ARHGAP15: variants seen among roughly 807,000 people sequenced by gnomAD.
ARHGAP15 encodes the protein Rho GTPase activating protein 15, also known as rho GTPase-activating protein 15.
In ARHGAP15, 51 loss-of-function variants were observed where a neutral mutation model predicts 63.7. The observed-to-expected ratio is 0.80, with a 90% CI of 0.64 to 1.01. The LOEUF is 1.01. Ranked by LOEUF, ARHGAP15 falls within the 50% of genes least tolerant of loss-of-function variation. The probability of loss-of-function intolerance (pLI) is 0.00; values close to 1 mark genes in which losing one functional copy is unlikely to be tolerated. For missense variants in ARHGAP15, 560 were observed against 564.6 expected (o/e 0.99, Z 0.08); for synonymous variants, 191 against 193.8 (o/e 0.99, Z 0.12).
At chr2:143,304,292 A>C (rs929130827) in intron 6 of ARHGAP15, among the ~76,000 whole-genome samples, 17 of 152,192 alleles carry the variant, frequency 1.1e-4, no homozygotes, top group African/African-American at 4.1e-4. Flanking sequence ...GGATGAGTTC[A>C]TGTCCTCTGT....
intron 1 of ARHGAP15, among the ~76,000 whole-genome samples, chr2:143,145,660 CTAGATTGTGACCACAGATCTATG>C (rs1380650582): frequency 3.3e-5 from 5 of 152,106 alleles, no homozygotes; most frequent in Non-Finnish European, 5.9e-5. Context: ...CAATATTTAC[CTAGATTGTGACCACAGATCTATG>C]TAATTGCTTG....
rs561671725 is a variant in ARHGAP15, at chr2:143,690,782, G to A, written c.1139-12637G>A. Among the ~76,000 whole-genome samples the A allele has an allele frequency of 2.0e-5, 3 of 152,260 alleles. No individual in the cohort carries two copies. The South Asian group carries it at 6.2e-4, about 32-fold the overall frequency. On this transcript the variant is annotated intron_variant, in intron 12 of 13. Transcript: ENST00000295095. ...TGGTCTCAAGTTATACATTTGCAGA[G>A]AAAATACCATCCAGATGCTCAAGTC...
chr2:143,296,839 C>T (rs1193782734), intron 6 of ARHGAP15, among the ~76,000 whole-genome samples: 1 of 151,900 alleles, frequency 6.6e-6, no homozygotes. Context: ...TCAAGTAGAT[C>T]CCAGTGTCTG....
At chr2:143,566,834 C>T (rs1410855501) in intron 11 of ARHGAP15, among the ~76,000 whole-genome samples, 1 of 152,040 alleles carries the variant, frequency 6.6e-6, no homozygotes, top group East Asian at 1.9e-4. Context: ...CACTACCTTT[C>T]CCAGTATCGT....
chr2:143,498,233 C>G (rs1241881387), intron 9 of ARHGAP15, among the ~76,000 whole-genome samples: 1 of 152,162 alleles, frequency 6.6e-6, no homozygotes, highest in East Asian at 1.9e-4. Context: ...TCTCTTTGGA[C>G]TTCTTACCCC....
Position 143,488,909 on chromosome 2 carries a change from C to T in ARHGAP15, c.826+1414C>T, listed in dbSNP as rs80147623. 2.7e-3 allele frequency among the ~76,000 whole-genome samples: 411 copies of T among 152,220 alleles called. 4 individuals carry two copies. The highest frequency in any genetic ancestry group is 0.017 in the Admixed American group (267 of 15,286). On this transcript the variant is annotated intron_variant, in intron 9 of 13. Transcript: ENST00000295095. ...AGAGTTGCCTCAGACTTTTACTCTC[C>T]GATGCATAATACTTTTCTGAGTTGT...
chr2:143,289,836 G>C (rs886246352), intron 6 of ARHGAP15, among the ~76,000 whole-genome samples: 1 of 152,116 alleles, frequency 6.6e-6, no homozygotes, highest in African/African-American at 2.4e-5. Context: ...AGAGGAAGAA[G>C]AATTATTTCA....
At chr2:143,434,928 A>G (rs1232859839) in intron 6 of ARHGAP15, among the ~76,000 whole-genome samples, 2 of 152,148 alleles carry the variant, frequency 1.3e-5, no homozygotes, top group Middle Eastern at 3.2e-3. Flanking sequence ...ATTGCCAACT[A>G]CTTAGCAGTC....
At chr2:143,335,068 T>C (rs534934101) in intron 6 of ARHGAP15, among the ~76,000 whole-genome samples, 1 of 152,258 alleles carries the variant, frequency 6.6e-6, no homozygotes, top group African/African-American at 2.4e-5. Context: ...CAAAGATAAA[T>C]AGATGTCTTG....
chr2:143,220,958 C>T (rs138147637), intron 4 of ARHGAP15, among the ~76,000 whole-genome samples: 61 of 152,102 alleles, frequency 4.0e-4, no homozygotes, highest in Admixed American at 1.8e-3. Context: ...ACAGTATTAA[C>T]CTCTTATTTC....
At chr2:143,516,504 C>T (rs200458078) in intron 9 of ARHGAP15, among the ~76,000 whole-genome samples, 1 of 141,446 alleles carries the variant, frequency 7.1e-6, no homozygotes, top group African/African-American at 3.2e-5. Context: ...CTGCTATATT[C>T]TTTTTTTTGT....
intron 9 of ARHGAP15, among the ~76,000 whole-genome samples, chr2:143,511,568 T>TTTTG (rs35790368): frequency 0.46 from 69,951 of 150,564 alleles, 16,612 homozygotes; most frequent in East Asian, 0.77. Flanking sequence ...AAGTGTTCTT[T>TTTTG]TTTGTTTGTT....
At chr2:143,184,791 C>T (rs1022146961) in intron 2 of ARHGAP15, among the ~76,000 whole-genome samples, 7 of 151,972 alleles carry the variant, frequency 4.6e-5, no homozygotes, top group African/African-American at 1.7e-4. Flanking sequence ...AAACACTCCT[C>T]TTGCCTTGAG....
intron 9 of ARHGAP15, among the ~76,000 whole-genome samples, chr2:143,495,198 T>C (rs190213942): frequency 6.2e-4 from 94 of 152,320 alleles, no homozygotes; most frequent in African/African-American, 2.2e-3. Context: ...GCCTTTCTTA[T>C]TTTTATCTTT....
At chr2:143,604,667 C>T (rs1189764226) in intron 11 of ARHGAP15, among the ~76,000 whole-genome samples, 1 of 152,128 alleles carries the variant, frequency 6.6e-6, no homozygotes, top group Non-Finnish European at 1.5e-5. Flanking sequence ...TCATTTGATA[C>T]ATGTATGTTA....
intron 6 of ARHGAP15, among the ~76,000 whole-genome samples, chr2:143,317,297 A>C (rs1390477561): frequency 6.6e-6 from 1 of 152,224 alleles, no homozygotes; most frequent in African/African-American, 2.4e-5. Flanking sequence ...TATTCAGTGC[A>C]TGTGTGGTTA....
intron 1 of ARHGAP15, among the ~76,000 whole-genome samples, chr2:143,152,394 T>G (rs1235914884): frequency 2.6e-5 from 4 of 152,008 alleles, no homozygotes; most frequent in African/African-American, 9.7e-5. Context: ...GATCTTCTCT[T>G]GCAGACTTCC....
At chr2:143,204,473 C>A (rs889685517) in intron 3 of ARHGAP15, among the ~76,000 whole-genome samples, 1 of 152,114 alleles carries the variant, frequency 6.6e-6, no homozygotes, top group Admixed American at 6.6e-5. Context: ...AAAAAGAGGG[C>A]AAGAGAACTG....
In ARHGAP15 at chr2:143,513,430, C is replaced by T. The variant is rs550471671; in HGVS notation, c.827-5836C>T. Among the ~76,000 whole-genome samples the T allele has an allele frequency of 2.5e-4, 38 of 152,320 alleles. 1 individual carries two copies. In the Middle Eastern group the frequency reaches 0.01, roughly 41 times the overall value. ...CAAAATCCTCTTCCAGGTCTTATCTCCACTTATAACTAAGTAGTCCCCATA... is the reference window on the plus strand; with the variant it reads ...CAAAATCCTCTTCCAGGTCTTATCTTCACTTATAACTAAGTAGTCCCCATA... On this transcript the variant is annotated intron_variant, in intron 9 of 13. Coordinates refer to ENST00000295095, the MANE Select transcript of ARHGAP15 (RefSeq NM_018460.4).
Sources: allele counts gnomAD v4.1 joint callset (sites outside exome capture counted in the v4.1 genomes callset), GRCh38; gene constraint gnomAD v4.1.1; transcripts MANE v1.5; gene names NCBI Gene and HGNC (gene_info 2026-07-23, HGNC 2026-07-21).